SND1: variants seen among roughly 807,000 people sequenced by gnomAD.
SND1 encodes the protein staphylococcal nuclease domain-containing protein 1.
SND1 carries 38 observed loss-of-function variants against 121.7 expected under a neutral mutation model. The ratio of observed to expected loss-of-function variants is 0.31; its 90% CI spans 0.24 to 0.41. SND1 has a LOEUF of 0.41. Among genes scored for constraint, SND1 ranks in the 10% least tolerant of loss-of-function variants. The probability of loss-of-function intolerance (pLI) is 1.00; values close to 1 mark genes in which losing one functional copy is unlikely to be tolerated. For synonymous variants in SND1, 401 were observed against 447.4 expected (o/e 0.90, Z 1.31); for missense variants, 868 against 1,184.6 (o/e 0.73, Z 3.92).
At chr7:128,064,276 G>A (rs1201570937) in intron 16 of SND1, among the ~76,000 whole-genome samples, 1 of 152,110 alleles carries the variant, frequency 6.6e-6, no homozygotes, top group Non-Finnish European at 1.5e-5. Flanking sequence ...AGGTGGTCTG[G>A]CCCTAGAGCC....
At chr7:127,876,493 T>C (rs3808090) in intron 12 of SND1, among the ~76,000 whole-genome samples, 10,329 of 152,234 alleles carry the variant, frequency 0.068, 461 homozygotes, top group Middle Eastern at 0.19. Context: ...GAGAGTATGA[T>C]GGTCCTCCAG....
intron 15 of SND1, among the ~76,000 whole-genome samples, chr7:127,945,465 T>C (rs1300253525): frequency 1.3e-5 from 2 of 151,854 alleles, no homozygotes; most frequent in African/African-American, 4.8e-5. Flanking sequence ...CACTCCAGCC[T>C]GGGTGACAGA....
intron 17 of SND1, among the ~76,000 whole-genome samples, chr7:128,081,048 G>A (rs1441603727): frequency 6.6e-6 from 1 of 151,924 alleles, no homozygotes; most frequent in Non-Finnish European, 1.5e-5. Context: ...CCAGGCTGGA[G>A]TGCAGTGGCA....
chr7:127,858,970 C>G (rs1001016608), intron 12 of SND1, among the ~76,000 whole-genome samples: 10 of 152,206 alleles, frequency 6.6e-5, no homozygotes, highest in Non-Finnish European at 1.5e-4. Context: ...TTTACATAAA[C>G]TACAGGGGAT....
At chr7:127,743,988 C>T (rs1232687965) in intron 10 of SND1, among the ~76,000 whole-genome samples, 1 of 152,062 alleles carries the variant, frequency 6.6e-6, no homozygotes, top group Non-Finnish European at 1.5e-5. Context: ...TGTAATGATG[C>T]TAGTTCTAAT....
At chr7:127,831,490 A>G (rs1262306733) in intron 11 of SND1, among the ~76,000 whole-genome samples, 2 of 152,210 alleles carry the variant, frequency 1.3e-5, no homozygotes, top group African/African-American at 4.8e-5. Context: ...TTATCAGCTC[A>G]GAGTGAGATT....
chr7:127,849,561 A>C (rs1403900955), intron 12 of SND1, among the ~76,000 whole-genome samples: 1 of 152,198 alleles, frequency 6.6e-6, no homozygotes. Context: ...TATACAGAAG[A>C]TACAGTCACT....
At chr7:128,009,773 C>CTTT (rs35016140) in intron 16 of SND1, among the ~76,000 whole-genome samples, 3 of 144,952 alleles carry the variant, frequency 2.1e-5, no homozygotes, top group African/African-American at 7.6e-5. Context: ...TTCTCAATAA[C>CTTT]TTTTTTTTTT....
chr7:127,728,817 A>G (rs1796624673), intron 10 of SND1, among the ~76,000 whole-genome samples: 1 of 152,176 alleles, frequency 6.6e-6, no homozygotes, highest in African/African-American at 2.4e-5. Flanking sequence ...CCACCTCCCA[A>G]TCCATGGCTA....
chr7:127,997,831 C>G (rs370901157), intron 16 of SND1: 23 of 534,690 alleles, frequency 4.3e-5, no homozygotes, highest in African/African-American at 4.2e-4. Context: ...CCCAGCACAT[C>G]AGTCATCGCC....
intron 10 of SND1, among the ~76,000 whole-genome samples, chr7:127,791,692 G>C (rs1797912471): frequency 6.6e-6 from 1 of 152,168 alleles, no homozygotes; most frequent in Non-Finnish European, 1.5e-5. Context: ...CTTAAGAGAA[G>C]TTCCTAGACT....
chr7:127,824,061 T>G (rs1798600045), intron 11 of SND1, among the ~76,000 whole-genome samples: 1 of 152,238 alleles, frequency 6.6e-6, no homozygotes. Flanking sequence ...GCTGCTTTAT[T>G]AAAAAATGTA....
chr7:127,973,482 G>A (rs1233808275), intron 15 of SND1, among the ~76,000 whole-genome samples: 1 of 152,132 alleles, frequency 6.6e-6, no homozygotes, highest in Non-Finnish European at 1.5e-5. Context: ...GAGGTAGGAA[G>A]GGCACTAGGA....
chr7:127,708,262 A>C (rs1796237100), intron 9 of SND1, among the ~76,000 whole-genome samples: 1 of 151,558 alleles, frequency 6.6e-6, no homozygotes, highest in Non-Finnish European at 1.5e-5. Context: ...TAACCTAAGC[A>C]AAAGTAGGCT....
In SND1 at chr7:127,746,297, T is replaced by C. The variant is rs563783325; in HGVS notation, c.1152+24897T>C. On this transcript the variant is annotated intron_variant, in intron 10 of 23. Coordinates refer to ENST00000354725, the MANE Select transcript of SND1 (RefSeq NM_014390.4). Reference sequence around the variant, plus strand: ...AGCTTTGACTGTAATCATTATCTTATAGCAACAGGCAGAGGTCTTAATTCT... The same window carrying C: ...AGCTTTGACTGTAATCATTATCTTACAGCAACAGGCAGAGGTCTTAATTCT... Among the ~76,000 whole-genome samples the C allele has an allele frequency of 1.6e-3, 251 of 152,358 alleles. 1 individual carries two copies. Among genetic ancestry groups the C allele is most frequent in the Non-Finnish European group, 2.5e-3 (171 of 68,032 alleles).
intron 15 of SND1, among the ~76,000 whole-genome samples, chr7:127,940,769 TAG>T (rs1801179630): frequency 6.6e-6 from 1 of 152,230 alleles, no homozygotes; most frequent in African/African-American, 2.4e-5. Context: ...CTGGATCTGT[TAG>T]AGTTTGGGCC....
chr7:127,793,837 T>G (rs1797961176), intron 10 of SND1, among the ~76,000 whole-genome samples: 1 of 152,106 alleles, frequency 6.6e-6, no homozygotes. Context: ...CTGTGCACTG[T>G]GACTTGCCTG....
intron 22 of SND1, 195 bp downstream of exon 22, chr7:128,089,887 G>C: frequency 1.4e-5 from 8 of 588,922 alleles, no homozygotes; most frequent in Non-Finnish European, 2.4e-5. Flanking sequence ...AATTGGCTGC[G>C]GGTTTGGCTG....
intron 11 of SND1, among the ~76,000 whole-genome samples, chr7:127,837,801 G>A (rs753705099): frequency 1.3e-5 from 2 of 152,210 alleles, no homozygotes; most frequent in Non-Finnish European, 2.9e-5. Flanking sequence ...ATATTAAGGA[G>A]CACTTTGTAT....
Sources: allele counts gnomAD v4.1 joint callset (sites outside exome capture counted in the v4.1 genomes callset), GRCh38; gene constraint gnomAD v4.1.1; transcripts MANE v1.5; gene names NCBI Gene and HGNC (gene_info 2026-07-23, HGNC 2026-07-21).